SAMD5: variants seen among roughly 807,000 people sequenced by gnomAD.
The protein encoded by SAMD5 is sterile alpha motif domain-containing protein 5.
Under a neutral mutation model 11.3 loss-of-function variants are expected in SAMD5, and 13 were observed. That is an observed-to-expected ratio of 1.15 (90% CI 0.75 to 1.83). The LOEUF (loss-of-function observed/expected upper bound fraction) is 1.83, where lower values mean the gene tolerates loss of function less well. Among genes scored for constraint, SAMD5 ranks in the 40% most tolerant of loss-of-function variants. The probability of loss-of-function intolerance (pLI) is 0.00; values close to 1 mark genes in which losing one functional copy is unlikely to be tolerated. For synonymous variants in SAMD5, 129 were observed against 111.3 expected, an observed-to-expected ratio of 1.16 and a Z score of -1.00; for missense variants, 255 against 239.1, an observed-to-expected ratio of 1.07 and a Z score of -0.44.
intron 1 of SAMD5, among the ~76,000 whole-genome samples, chr6:147,645,070 TAAG>T (rs1229889843): frequency 2.0e-5 from 3 of 152,168 alleles, no homozygotes; most frequent in African/African-American, 7.2e-5. Flanking sequence ...GCCCGCTTCT[TAAG>T]ATGTGGAATG....
intron 1 of SAMD5, among the ~76,000 whole-genome samples, chr6:147,526,819 G>GACAGTAGTTACCTGGTAC (rs144451313): frequency 6.6e-6 from 1 of 152,212 alleles, no homozygotes; most frequent in African/African-American, 2.4e-5. Context: ...TGGGATGGGA[G>GACAGTAGTTACCTGGTAC]AAATGAAGCA....
At chr6:147,598,630 C>A (rs573872748) in intron 1 of SAMD5, among the ~76,000 whole-genome samples, 1 of 152,066 alleles carries the variant, frequency 6.6e-6, no homozygotes, top group Non-Finnish European at 1.5e-5. Flanking sequence ...CTGGGAAGAC[C>A]GAATAGAATC....
At chr6:147,622,088 C>T (rs1450122496) in intron 1 of SAMD5, among the ~76,000 whole-genome samples, 1 of 152,170 alleles carries the variant, frequency 6.6e-6, no homozygotes, top group Non-Finnish European at 1.5e-5. Flanking sequence ...GAGTCTCTCT[C>T]ACCAGCTGGA....
At chr6:147,898,529 A>G in the SAMD5 span, among the ~76,000 whole-genome samples, 1 of 152,214 alleles carries the variant, frequency 6.6e-6, no homozygotes, top group South Asian at 2.1e-4. Flanking sequence ...CACTACCAAA[A>G]GATCAGTATC....
chr6:147,705,371 A>C (rs1196010680), intron 1 of SAMD5, among the ~76,000 whole-genome samples: 1 of 152,236 alleles, frequency 6.6e-6, no homozygotes, highest in African/African-American at 2.4e-5. Flanking sequence ...TGATATTATA[A>C]AAAGAATAAT....
In SAMD5 at chr6:147,567,916, G is replaced by A. The variant is rs1029098044; in HGVS notation, c.*3460G>A. The stretch of plus-strand genomic sequence containing the variant: ...ATCCTGGGCAACAGAGCAAGATCCC[G>A]TCTCAAAACAAAACAAAACAAAACA... On this transcript the variant is annotated 3_prime_UTR_variant, in exon 2 of 2. Coordinates refer to ENST00000367474, the MANE Select transcript of SAMD5 (RefSeq NM_001030060.3). The A allele has an allele frequency of 4.2e-5, 41 of 985,848 alleles. No individual in the cohort carries two copies. Among genetic ancestry groups the A allele is most frequent in the South Asian group, 1.4e-4 (3 of 21,292 alleles). 61.1% of individuals were successfully genotyped at this position (985,848 alleles called of 1,614,324 possible).
chr6:147,709,529 AG>A (rs1791369081), intron 1 of SAMD5, among the ~76,000 whole-genome samples: 1 of 152,212 alleles, frequency 6.6e-6, no homozygotes, highest in Non-Finnish European at 1.5e-5. Flanking sequence ...AATTCTGTAA[AG>A]AGTGCTCTCC....
chr6:147,678,641 C>G (rs1474270840), intron 1 of SAMD5, among the ~76,000 whole-genome samples: 1 of 152,078 alleles, frequency 6.6e-6, no homozygotes, highest in East Asian at 1.9e-4. Flanking sequence ...CAAAACCAAA[C>G]ACTTAGATGA....
chr6:147,761,857 C>G, the SAMD5 span, among the ~76,000 whole-genome samples: 5 of 152,052 alleles, frequency 3.3e-5, no homozygotes, highest in Non-Finnish European at 7.4e-5. Flanking sequence ...GGATTACAGG[C>G]ACTCACCACC....
intron 1 of SAMD5, among the ~76,000 whole-genome samples, chr6:147,533,197 T>A (rs768922264): frequency 6.6e-6 from 1 of 151,758 alleles, no homozygotes; most frequent in Admixed American, 6.6e-5. Context: ...GGGCATGATG[T>A]TTATGAAATG....
intron 1 of SAMD5, among the ~76,000 whole-genome samples, chr6:147,624,406 T>G (rs939958215): frequency 7.2e-5 from 11 of 152,144 alleles, no homozygotes; most frequent in Non-Finnish European, 1.5e-4. Context: ...AGTGTGCGTT[T>G]TGCTCCTCCA....
At chr6:147,872,793 C>T in the SAMD5 span, among the ~76,000 whole-genome samples, 48,090 of 151,918 alleles carry the variant, frequency 0.32, 8,481 homozygotes, top group Middle Eastern at 0.45. Context: ...GATGGCTAAT[C>T]AATGAGAACA....
At chr6:147,590,505 C>G (rs550966248) in intron 1 of SAMD5, among the ~76,000 whole-genome samples, 1 of 152,116 alleles carries the variant, frequency 6.6e-6, no homozygotes, top group East Asian at 1.9e-4. Flanking sequence ...CTCCGTCTCC[C>G]GGGCTCAAGC....
chr6:147,790,748 CTCTCTCTT>C, the SAMD5 span, among the ~76,000 whole-genome samples: 4,777 of 81,596 alleles, frequency 0.059, 353 homozygotes, highest in African/African-American at 0.23. Context: ...CTCTCTCTCT[CTCTCTCTT>C]TCTCTCTCTC....
chr6:147,875,748 A>T, the SAMD5 span, among the ~76,000 whole-genome samples: 4 of 152,080 alleles, frequency 2.6e-5, no homozygotes, highest in Admixed American at 6.6e-5. Context: ...TGCGCAGGAG[A>T]GGGATCTAGG....
chr6:147,517,354 C>A (rs1209802207), intron 1 of SAMD5, among the ~76,000 whole-genome samples: 2 of 152,130 alleles, frequency 1.3e-5, no homozygotes, highest in African/African-American at 4.8e-5. Context: ...AGATGAACAG[C>A]CTGGCTTATG....
intron 1 of SAMD5, among the ~76,000 whole-genome samples, chr6:147,516,354 G>A (rs1400220826): frequency 6.6e-6 from 1 of 152,166 alleles, no homozygotes; most frequent in Non-Finnish European, 1.5e-5. Flanking sequence ...ATACTGTAGT[G>A]TAGTGGTTCA....
chr6:147,859,530 G>T, the SAMD5 span, among the ~76,000 whole-genome samples: 2 of 151,948 alleles, frequency 1.3e-5, no homozygotes, highest in Admixed American at 6.5e-5. Flanking sequence ...AAGTTGACAC[G>T]TGAGTAGGCG....
At chr6:147,850,780 C>T in the SAMD5 span, among the ~76,000 whole-genome samples, 657 of 152,080 alleles carry the variant, frequency 4.3e-3, 3 homozygotes, top group Non-Finnish European at 5.1e-3. Flanking sequence ...CTTTGTCCAG[C>T]GCCTCAGTCC....
Sources: gnomAD v4.1 joint callset for allele counts (sites outside exome capture counted in the v4.1 genomes callset) on GRCh38, gnomAD v4.1.1 for gene constraint, MANE v1.5 for transcripts, NCBI Gene and HGNC (gene_info 2026-07-23, HGNC 2026-07-21) for gene names.